CACNA2D3: variants seen among roughly 807,000 people sequenced by gnomAD.
The protein encoded by CACNA2D3 is voltage-dependent calcium channel subunit alpha-2/delta-3.
In CACNA2D3, 60 loss-of-function variants were observed where a neutral mutation model predicts 160.6. That is an observed-to-expected ratio of 0.37 (90% CI 0.30 to 0.46). CACNA2D3 has a LOEUF of 0.46. Ranked by LOEUF, CACNA2D3 falls within the 20% of genes least tolerant of loss-of-function variation. CACNA2D3 has a pLI of 1.00. For synonymous variants in CACNA2D3, 558 were observed against 492.9 expected, an observed-to-expected ratio of 1.13 and a Z score of -1.75; for missense variants, 1,205 against 1,365.0, an observed-to-expected ratio of 0.88 and a Z score of 1.85.
chr3:54,765,692 T>G (rs1462382440), intron 13 of CACNA2D3, among the ~76,000 whole-genome samples: 1 of 152,174 alleles, frequency 6.6e-6, no homozygotes, highest in Non-Finnish European at 1.5e-5. Context: ...GCCAGTTTGT[T>G]CAGTCATTTT....
chr3:54,239,389 A>G (rs1479861180), intron 2 of CACNA2D3, among the ~76,000 whole-genome samples: 2 of 152,270 alleles, frequency 1.3e-5, no homozygotes, highest in African/African-American at 4.8e-5. Flanking sequence ...TTTAGCCTTT[A>G]GAGATTTTAT....
At chr3:54,871,738 A>G in intron 18 of CACNA2D3, 116 bp downstream of exon 18, 4 of 731,106 alleles carry the variant, frequency 5.5e-6, no homozygotes, top group South Asian at 3.4e-5. Context: ...CCTGGCTACC[A>G]GAGGGACGTG....
At chr3:54,263,084 G>C (rs1421708165) in intron 2 of CACNA2D3, among the ~76,000 whole-genome samples, 1 of 152,156 alleles carries the variant, frequency 6.6e-6, no homozygotes, top group Non-Finnish European at 1.5e-5. Flanking sequence ...TATACTCATA[G>C]ACAGCTTCTA....
chr3:54,927,955 T>C (rs764447650), intron 27 of CACNA2D3: 4 of 1,603,506 alleles, frequency 2.5e-6, no homozygotes, highest in South Asian at 1.1e-5. Context: ...GTAGACCCTT[T>C]AATTAATGTG....
chr3:54,942,194 C>G (rs551880316), intron 27 of CACNA2D3, among the ~76,000 whole-genome samples: 1 of 152,314 alleles, frequency 6.6e-6, no homozygotes, highest in African/African-American at 2.4e-5. Context: ...AACCGTGTAT[C>G]TCTGCCCAGG....
chr3:54,727,992 G>GT (rs759262527), intron 11 of CACNA2D3, among the ~76,000 whole-genome samples: 11 of 150,458 alleles, frequency 7.3e-5, no homozygotes, highest in Non-Finnish European at 1.3e-4. Context: ...TTTTTAGTAT[G>GT]TTTTTTTCTT....
chr3:54,454,319 T>A (rs1700359483), intron 4 of CACNA2D3, among the ~76,000 whole-genome samples: 1 of 152,200 alleles, frequency 6.6e-6, no homozygotes, highest in African/African-American at 2.4e-5. Flanking sequence ...ATCAAAATCA[T>A]TACAAACGAC....
chr3:54,763,812 CATAT>C (rs10606589), intron 12 of CACNA2D3, among the ~76,000 whole-genome samples: 1,756 of 41,862 alleles, frequency 0.042, 579 homozygotes, highest in African/African-American at 0.17. Flanking sequence ...CATATATATA[CATAT>C]ATATATACGT....
At chr3:55,069,255 A>G (rs7622549) in intron 35 of CACNA2D3, among the ~76,000 whole-genome samples, 17,351 of 152,180 alleles carry the variant, frequency 0.11, 1,783 homozygotes, top group East Asian at 0.28. Flanking sequence ...TTCTGAAAGA[A>G]TCCTAGAATC....
At chr3:54,888,872 G>C (rs1699991381) in intron 24 of CACNA2D3, among the ~76,000 whole-genome samples, 2 of 152,160 alleles carry the variant, frequency 1.3e-5, no homozygotes, top group Non-Finnish European at 2.9e-5. Context: ...CGAGGTGTTG[G>C]GGAAATGGAG....
intron 11 of CACNA2D3, among the ~76,000 whole-genome samples, chr3:54,720,308 A>C (rs1387375240): frequency 1.3e-5 from 2 of 151,956 alleles, no homozygotes; most frequent in Non-Finnish European, 2.9e-5. Flanking sequence ...TTTAGATATC[A>C]TATTTTCATT....
intron 11 of CACNA2D3, among the ~76,000 whole-genome samples, chr3:54,674,764 A>G (rs755380745): frequency 2.0e-5 from 3 of 152,186 alleles, no homozygotes; most frequent in African/African-American, 7.2e-5. Context: ...GTCCCAACAT[A>G]TGGGAAGTGA....
At position 54,548,892 on chromosome 3, in the gene CACNA2D3, C is replaced by T. The variant is rs542343555; in HGVS notation, c.545-13908C>T. Among the ~76,000 whole-genome samples the T allele has an allele frequency of 2.0e-5, 3 of 152,334 alleles. No individual in the cohort carries two copies. The East Asian group carries it at 5.8e-4, about 29-fold the overall frequency. On this transcript the variant is annotated intron_variant, in intron 5 of 37. Transcript: ENST00000474759. Reference sequence around the variant, plus strand: ...TCCTCACTCAGAGCTGACCTCTCCTCCTAATTCATCTGGTGTTCCTCATCC... The same window carrying T: ...TCCTCACTCAGAGCTGACCTCTCCTTCTAATTCATCTGGTGTTCCTCATCC...
intron 26 of CACNA2D3, 129 bp from the exon 27 acceptor site, chr3:54,899,659 A>ACTCTG: frequency 1.5e-6 from 1 of 663,310 alleles, no homozygotes; most frequent in Non-Finnish European, 2.7e-6. Context: ...ACCTCAGAGG[A>ACTCTG]CTCTGGGGCC....
At chr3:54,751,173 G>T (rs889208967) in intron 11 of CACNA2D3, among the ~76,000 whole-genome samples, 1 of 152,108 alleles carries the variant, frequency 6.6e-6, no homozygotes, top group African/African-American at 2.4e-5. Context: ...GACTCTGATG[G>T]GAATGGTGTG....
rs144884292 is a variant in CACNA2D3 at position 54,872,952 on chromosome 3, C to G, written c.1710+1330C>G. ...GACTGTCCTGCACCTAATGTGCCCA[C>G]CCTGGCTTAGCGCAATTGTGAGGAG... On this transcript the variant is annotated intron_variant, in intron 18 of 37. Transcript: ENST00000474759. Among the ~76,000 whole-genome samples the G allele has an allele frequency of 7.5e-3, 1,134 of 152,136 alleles. 9 individuals carry two copies. Among genetic ancestry groups the G allele is most frequent in the African/African-American group, 0.026 (1,078 of 41,526 alleles).
At position 54,122,830 on chromosome 3, in the gene CACNA2D3, C is replaced by G. The variant is rs1376095171; in HGVS notation, c.117C>G (p.Leu39=). The G allele has an allele frequency of 1.1e-5, 14 of 1,231,478 alleles. No individual in the cohort carries two copies. Among genetic ancestry groups the G allele is most frequent in the South Asian group, 4.1e-5 (1 of 24,250 alleles). 76.3% of individuals were successfully genotyped at this position (1,231,478 alleles called of 1,614,324 possible). Residue 39 remains leucine (L), a synonymous_variant, in exon 1 of 38, where the codon CTC becomes CTG. Coordinates refer to ENST00000474759, the MANE Select transcript of CACNA2D3 (RefSeq NM_018398.3). ...TGCGCTCGGAGCAGCAGATACCGCT[C>G]TCCGTGTAAGTGCCGGCTCCTGCGC... ...DVVRSEQQIP[L]SVVKLWASAF...
intron 5 of CACNA2D3, among the ~76,000 whole-genome samples, chr3:54,533,881 C>G (rs1175434708): frequency 6.6e-6 from 1 of 151,864 alleles, no homozygotes; most frequent in Non-Finnish European, 1.5e-5. Flanking sequence ...CAAAATAGGA[C>G]AATCTAGGAG....
intron 5 of CACNA2D3, among the ~76,000 whole-genome samples, chr3:54,512,395 A>T (rs970752133): frequency 6.6e-6 from 1 of 152,256 alleles, no homozygotes; most frequent in Non-Finnish European, 1.5e-5. Context: ...ACTACTGTGT[A>T]ACAAAAGTTT....
Sources: allele counts gnomAD v4.1 joint callset (sites outside exome capture counted in the v4.1 genomes callset), GRCh38; gene constraint gnomAD v4.1.1; transcripts MANE v1.5; gene names NCBI Gene and HGNC (gene_info 2026-07-23, HGNC 2026-07-21).